Variants in RASGRF2 observed in about 807,000 individuals in gnomAD.
RASGRF2 encodes Ras protein specific guanine nucleotide releasing factor 2.
In RASGRF2, 76 loss-of-function variants were observed where a neutral mutation model predicts 151.0. That is an observed-to-expected ratio of 0.50 (90% CI 0.42 to 0.61). RASGRF2 has a LOEUF of 0.61. RASGRF2 is among the 20% of genes least tolerant of loss of function. RASGRF2 has a pLI of 0.00. For missense variants in RASGRF2, 1,148 were observed against 1,564.6 expected (o/e 0.73, Z 4.49); for synonymous variants, 504 against 566.5 (o/e 0.89, Z 1.57).
chr5:81,153,343 G>T (rs1754179890), intron 17 of RASGRF2, among the ~76,000 whole-genome samples: 1 of 152,204 alleles, frequency 6.6e-6, no homozygotes, highest in South Asian at 2.1e-4. Flanking sequence ...ATACTCACAA[G>T]GATCTCTAAA....
At chr5:81,179,877 A>T (rs1374857772) in intron 17 of RASGRF2, among the ~76,000 whole-genome samples, 1 of 152,252 alleles carries the variant, frequency 6.6e-6, no homozygotes, top group Non-Finnish European at 1.5e-5. Context: ...GCTTTGTATT[A>T]TAGAGTAAGA....
chr5:81,162,425 G>A (rs913875943), intron 17 of RASGRF2, among the ~76,000 whole-genome samples: 1 of 152,104 alleles, frequency 6.6e-6, no homozygotes, highest in African/African-American at 2.4e-5. Context: ...TTGGCTCATT[G>A]CAACCTCCGC....
chr5:81,037,925 A>G (rs1034811266), intron 1 of RASGRF2, among the ~76,000 whole-genome samples: 1 of 152,216 alleles, frequency 6.6e-6, no homozygotes, highest in African/African-American at 2.4e-5. Flanking sequence ...CTGTATACAT[A>G]TCTAAAAATA....
intron 1 of RASGRF2, among the ~76,000 whole-genome samples, chr5:80,967,618 A>G (rs1211681560): frequency 6.6e-6 from 1 of 152,180 alleles, no homozygotes; most frequent in Non-Finnish European, 1.5e-5. Flanking sequence ...TTTAATTTAG[A>G]CATGCCTGAT....
intron 19 of RASGRF2, chr5:81,204,360 G>A (rs1289016104): frequency 2.6e-5 from 4 of 152,200 alleles, no homozygotes; most frequent in Non-Finnish European, 4.4e-5. Context: ...TGGTGGTTAA[G>A]TGCAGCCCTG....
intron 15 of RASGRF2, among the ~76,000 whole-genome samples, chr5:81,121,246 C>T (rs746006419): frequency 6.6e-6 from 1 of 152,168 alleles, no homozygotes; most frequent in Non-Finnish European, 1.5e-5. Context: ...ATAATGTTAA[C>T]ACTTAAAACA....
intron 1 of RASGRF2, among the ~76,000 whole-genome samples, chr5:80,963,008 C>T (rs1747612815): frequency 6.6e-6 from 1 of 152,184 alleles, no homozygotes; most frequent in South Asian, 2.1e-4. Context: ...AAACCTTCCA[C>T]ATTTTGTCTT....
rs867913096 is a variant in RASGRF2, at chr5:80,995,695, T to C, written c.288+34669T>C. Among the ~76,000 whole-genome samples, 128 of 75,114 alleles carry C rather than the reference T, an allele frequency of 1.7e-3. 2 individuals carry two copies. The highest frequency in any genetic ancestry group is 3.1e-3 in the African/African-American group (59 of 19,340). The allele number at this position is 75,114 out of a possible 152,430, so 49.3% of individuals were successfully genotyped here. ...TTCTTTCCTTTCCTTCCCCCCCCCT[T>C]TTTTTTTTTTTTTTTGAGATGGAGT... On this transcript the variant is annotated intron_variant, in intron 1 of 26. Coordinates refer to ENST00000265080, the MANE Select transcript of RASGRF2 (RefSeq NM_006909.3).
rs1272443464 is a variant in RASGRF2, at chr5:81,230,010, G to A, written c.*4240G>A. The A allele has an allele frequency of 1.3e-5, 2 of 152,218 alleles. No individual in the cohort carries two copies. 9.4% of individuals were successfully genotyped at this position (152,218 alleles called of 1,614,324 possible). ...GTGTGATGGACGAATATGTGTGTGA[G>A]TTTGAGAAGCATATCGTTCGTGTCC... On this transcript the variant is annotated 3_prime_UTR_variant, in exon 27 of 27. Transcript: ENST00000265080.
At chr5:80,981,195 G>A (rs958843293) in intron 1 of RASGRF2, among the ~76,000 whole-genome samples, 4 of 152,106 alleles carry the variant, frequency 2.6e-5, no homozygotes, top group Non-Finnish European at 5.9e-5. Flanking sequence ...AATATGATTT[G>A]GCTTTTCATT....
At chr5:81,038,762 G>T (rs1266820067) in intron 1 of RASGRF2, among the ~76,000 whole-genome samples, 4 of 151,876 alleles carry the variant, frequency 2.6e-5, no homozygotes, top group African/African-American at 9.7e-5. Flanking sequence ...TTTCTGTAGA[G>T]ATGGGGCTTT....
chr5:81,224,271 T>G (rs1293442389), intron 26 of RASGRF2, among the ~76,000 whole-genome samples: 1 of 152,190 alleles, frequency 6.6e-6, no homozygotes, highest in East Asian at 1.9e-4. Flanking sequence ...CTTATCGGAT[T>G]GACAAAAATT....
chr5:81,031,340 A>C (rs888451979), intron 1 of RASGRF2, among the ~76,000 whole-genome samples: 1 of 152,210 alleles, frequency 6.6e-6, no homozygotes, highest in African/African-American at 2.4e-5. Flanking sequence ...AAATCAACAG[A>C]ATATACATTC....
At chr5:81,142,751 T>C (rs1412651145) in intron 17 of RASGRF2, among the ~76,000 whole-genome samples, 2 of 152,188 alleles carry the variant, frequency 1.3e-5, no homozygotes, top group Non-Finnish European at 1.5e-5. Context: ...GAAAAAATTA[T>C]TAAGAATTTC....
intron 4 of RASGRF2, 145 bp from the exon 5 acceptor site, chr5:81,073,054 C>T: frequency 1.9e-6 from 2 of 1,031,012 alleles, no homozygotes; most frequent in Admixed American, 5.8e-5. Context: ...TGTTATTTTT[C>T]ACATCATCCC....
intron 5 of RASGRF2, among the ~76,000 whole-genome samples, chr5:81,079,324 A>T (rs1752021621): frequency 6.6e-6 from 1 of 152,214 alleles, no homozygotes; most frequent in South Asian, 2.1e-4. Flanking sequence ...TCATGGAGCC[A>T]TTTCTGTTTT....
intron 3 of RASGRF2, 101 bp downstream of exon 3, chr5:81,068,280 T>C (rs1445992155): frequency 7.5e-7 from 1 of 1,329,994 alleles, no homozygotes; most frequent in East Asian, 2.4e-5. Context: ...AATCCCAGGC[T>C]GACTTCCTCT....
At chr5:81,055,554 A>G (rs1201524561) in intron 2 of RASGRF2, among the ~76,000 whole-genome samples, 1 of 152,190 alleles carries the variant, frequency 6.6e-6, no homozygotes, top group Non-Finnish European at 1.5e-5. Flanking sequence ...GGATTTTTGC[A>G]TCGATGTTCA....
intron 25 of RASGRF2, among the ~76,000 whole-genome samples, chr5:81,218,552 T>C (rs1192141503): frequency 2.0e-5 from 3 of 152,204 alleles, no homozygotes; most frequent in African/African-American, 7.2e-5. Context: ...GTTCCATTGG[T>C]CTACATGCCT....
Sources: gnomAD v4.1 joint callset for allele counts (sites outside exome capture counted in the v4.1 genomes callset) on GRCh38, gnomAD v4.1.1 for gene constraint, MANE v1.5 for transcripts, NCBI Gene and HGNC (gene_info 2026-07-23, HGNC 2026-07-21) for gene names.